The following GLYR1 variants were observed in gnomAD, a reference collection of about 807,000 sequenced individuals.
The protein encoded by GLYR1 is glyoxylate reductase 1 homolog.
Under a neutral mutation model 72.7 loss-of-function variants are expected in GLYR1, and 21 were observed. The observed-to-expected ratio is 0.29, with a 90% CI of 0.20 to 0.42. The LOEUF (loss-of-function observed/expected upper bound fraction) is 0.42, where lower values mean the gene tolerates loss of function less well. GLYR1 is among the 10% of genes least tolerant of loss of function. The pLI, the probability that GLYR1 is intolerant of heterozygous loss-of-function variation, is 1.00. For missense variants in GLYR1, 594 were observed against 712.1 expected, an observed-to-expected ratio of 0.83 and a Z score of 1.89; for synonymous variants, 392 against 270.2, an observed-to-expected ratio of 1.45 and a Z score of -4.42.
intron 2 of GLYR1, among the ~76,000 whole-genome samples, chr16:4,845,959 A>C (rs1936508743): frequency 6.6e-6 from 1 of 152,254 alleles, no homozygotes; most frequent in African/African-American, 2.4e-5. Flanking sequence ...AACCTCCTCT[A>C]AATCCAGAAA....
chr16:4,846,994 C>T (rs1234023869), intron 1 of GLYR1: 2 of 550,370 alleles, frequency 3.6e-6, no homozygotes, highest in Admixed American at 6.8e-5. Flanking sequence ...CAGACCCCAC[C>T]CGGCCGGCCT....
chr16:4,821,289 A>C, intron 9 of GLYR1, 91 bp downstream of exon 9: 1 of 1,290,442 alleles, frequency 7.7e-7, no homozygotes, highest in South Asian at 1.2e-5. Flanking sequence ...AATGGCTGGG[A>C]CACAACCCTT....
At chr16:4,829,006 TAAAC>T (rs1388441208) in intron 5 of GLYR1, among the ~76,000 whole-genome samples, 1 of 152,092 alleles carries the variant, frequency 6.6e-6, no homozygotes, top group Non-Finnish European at 1.5e-5. Flanking sequence ...TTCCAGGAAA[TAAAC>T]TCAGAAGTCA....
chr16:4,805,662 G>A (rs969617855), intron 15 of GLYR1, among the ~76,000 whole-genome samples: 1 of 152,208 alleles, frequency 6.6e-6, no homozygotes, highest in East Asian at 1.9e-4. Flanking sequence ...CCAAAAAGGT[G>A]AAACCTCATC....
intron 15 of GLYR1, among the ~76,000 whole-genome samples, chr16:4,810,115 A>G (rs1241447396): frequency 6.6e-6 from 1 of 152,196 alleles, no homozygotes; most frequent in East Asian, 1.9e-4. Context: ...AACACGGATT[A>G]GTGGACATTT....
chr16:4,815,467 G>A (rs1278206023), intron 10 of GLYR1, among the ~76,000 whole-genome samples: 2 of 152,166 alleles, frequency 1.3e-5, no homozygotes, highest in East Asian at 1.9e-4. Flanking sequence ...TTTACCTAAT[G>A]GCTGACCTGT....
rs750233536 is a variant in GLYR1 at position 4,847,260 on chromosome 16, C to A, written c.6G>T (p.Ala2=). The A allele has an allele frequency of 6.2e-7, 1 of 1,610,284 alleles. No individual in the cohort carries two copies. The highest frequency in any genetic ancestry group is 1.3e-5 in the African/African-American group (1 of 74,756). The part of the protein sequence containing the change: M[A]AVSLRLGDLV... ...AGTCGCCGAGCCGCAGACTCACAGC[C>A]GCCATCTTACCACCCAACCACCGCC... The change falls in exon 1 of 16, where the codon GCG becomes GCT. Residue 2 remains alanine (A), a synonymous_variant. Coordinates refer to ENST00000321919, the MANE Select transcript of GLYR1 (RefSeq NM_032569.4).
chr16:4,827,735 C>T (rs576483720), intron 5 of GLYR1, among the ~76,000 whole-genome samples: 48 of 152,158 alleles, frequency 3.2e-4, no homozygotes, highest in Admixed American at 2.3e-3. Flanking sequence ...CCCGTCTCTA[C>T]TAAAAACACA....
chr16:4,811,144 T>C, intron 15 of GLYR1, 26 bp downstream of exon 15: 3 of 1,595,952 alleles, frequency 1.9e-6, no homozygotes, highest in Non-Finnish European at 2.6e-6. Flanking sequence ...TGAAGGGCCT[T>C]GGGGCTTGGG....
intron 3 of GLYR1, among the ~76,000 whole-genome samples, chr16:4,842,114 T>G (rs1596412093): frequency 6.6e-6 from 1 of 151,848 alleles, no homozygotes; most frequent in Non-Finnish European, 1.5e-5. Flanking sequence ...CATGGTGGTG[T>G]GCGCCTGTAG....
chr16:4,832,392 A>T (rs1437991702), intron 4 of GLYR1, 171 bp from the exon 5 acceptor site: 12 of 770,044 alleles, frequency 1.6e-5, no homozygotes, highest in South Asian at 1.3e-4. Flanking sequence ...AGATTTAAAA[A>T]ATATATATAT....
chr16:4,834,498 T>C (rs1019624639), intron 3 of GLYR1, among the ~76,000 whole-genome samples: 36 of 151,336 alleles, frequency 2.4e-4, no homozygotes, highest in Non-Finnish European at 1.8e-4. Context: ...AGTCTCATTT[T>C]GTCACCTAGG....
chr16:4,821,276 A>T, intron 9 of GLYR1, 104 bp downstream of exon 9: 1 of 1,127,392 alleles, frequency 8.9e-7, no homozygotes, highest in Non-Finnish European at 1.3e-6. Context: ...ATTCAATGCC[A>T]GCAATGGCTG....
At position 4,812,264 on chromosome 16, in the gene GLYR1, A is replaced by G. The variant is rs2083360103; in HGVS notation, c.1120-16T>C. On this transcript the variant is annotated splice_polypyrimidine_tract_variant and intron_variant, in intron 12 of 15. Transcript: ENST00000321919. ...ACACAATCACCTGGAAAGAAAAGTC[A>G]CAGCTTCTGGAGGCCTCCCCTCTCC... The G allele has an allele frequency of 6.2e-7, 1 of 1,608,806 alleles. No homozygotes were observed. Among genetic ancestry groups the G allele is most frequent in the Non-Finnish European group, 8.5e-7 (1 of 1,178,668 alleles).
chr16:4,819,210 G>C (rs1052548492), intron 9 of GLYR1, among the ~76,000 whole-genome samples: 1 of 151,948 alleles, frequency 6.6e-6, no homozygotes, highest in Admixed American at 6.6e-5. Context: ...GGGGGGTCTT[G>C]CTATGTTGGC....
chr16:4,838,876 C>T (rs932660280), intron 3 of GLYR1, among the ~76,000 whole-genome samples: 6 of 152,050 alleles, frequency 3.9e-5, no homozygotes, highest in Admixed American at 3.3e-4. Flanking sequence ...TGTGAGCCAC[C>T]GTGCCTGGCC....
At chr16:4,832,541 A>G in intron 4 of GLYR1, 1 of 580,568 alleles carries the variant, frequency 1.7e-6, no homozygotes, top group Non-Finnish European at 2.9e-6. Context: ...ATGCTGAGAT[A>G]TTTCTCCTGG....
intron 15 of GLYR1, among the ~76,000 whole-genome samples, chr16:4,807,109 T>C (rs758343876): frequency 0.096 from 12,296 of 128,040 alleles, 522 homozygotes; most frequent in Admixed American, 0.16. Context: ...CCTGGCCCCT[T>C]TTTTTTTTTT....
At chr16:4,838,348 C>G (rs1021898909) in intron 3 of GLYR1, among the ~76,000 whole-genome samples, 3 of 152,192 alleles carry the variant, frequency 2.0e-5, no homozygotes, top group African/African-American at 7.2e-5. Flanking sequence ...ACTGGTCTCT[C>G]AGTTTCCTCA....
Sources: allele counts gnomAD v4.1 joint callset (sites outside exome capture counted in the v4.1 genomes callset), GRCh38; gene constraint gnomAD v4.1.1; transcripts MANE v1.5; gene names NCBI Gene and HGNC (gene_info 2026-07-23, HGNC 2026-07-21).